PLCL1: variants seen among roughly 807,000 people sequenced by gnomAD.
PLCL1 encodes the protein phospholipase C like 1 (inactive).
PLCL1 carries 41 observed loss-of-function variants against 84.4 expected under a neutral mutation model. The ratio of observed to expected loss-of-function variants is 0.49; its 90% CI spans 0.38 to 0.63. PLCL1 has a LOEUF of 0.63. PLCL1 is among the 30% of genes least tolerant of loss of function. PLCL1 has a pLI of 0.00. For synonymous variants in PLCL1, 490 were observed against 488.3 expected, an observed-to-expected ratio of 1.00 and a Z score of -0.05; for missense variants, 1,206 against 1,367.8, an observed-to-expected ratio of 0.88 and a Z score of 1.87.
In PLCL1 at chr2:197,860,498, T is replaced by A. The variant is rs543568551; in HGVS notation, c.240+55159T>A. On this transcript the variant is annotated intron_variant, in intron 1 of 5. Transcript: ENST00000428675. ...AACTAATTTATACTCCCTCCGGTAG[T>A]GTATAAGTGTTCCCTTTTCTCTGCA... 3.9e-5 allele frequency among the ~76,000 whole-genome samples: 6 copies of A among 152,312 alleles called. No individual in the cohort carries two copies. In the East Asian group the frequency reaches 1.2e-3, roughly 29 times the overall value.
intron 1 of PLCL1, among the ~76,000 whole-genome samples, chr2:198,005,603 A>G (rs1246571727): frequency 6.6e-6 from 1 of 152,244 alleles, no homozygotes; most frequent in Non-Finnish European, 1.5e-5. Context: ...GCAGACATTC[A>G]TTAAAGACTC....
chr2:197,912,461 T>C (rs1269464543), intron 1 of PLCL1, among the ~76,000 whole-genome samples: 9 of 152,038 alleles, frequency 5.9e-5, no homozygotes, highest in Non-Finnish European at 1.2e-4. Flanking sequence ...CCCAAAGGAA[T>C]ATAAATCTTG....
intron 1 of PLCL1, among the ~76,000 whole-genome samples, chr2:198,025,127 A>G (rs1691232714): frequency 6.6e-6 from 1 of 152,068 alleles, no homozygotes; most frequent in South Asian, 2.1e-4. Flanking sequence ...CTTGTACATG[A>G]TTCCAAAATC....
intron 1 of PLCL1, among the ~76,000 whole-genome samples, chr2:198,046,855 A>G (rs577297212): frequency 1.7e-3 from 257 of 152,230 alleles, no homozygotes; most frequent in Non-Finnish European, 3.1e-3. Context: ...ACAAAATCAA[A>G]ACAAAAAACC....
chr2:197,924,045 G>T (rs1382971603), intron 1 of PLCL1, among the ~76,000 whole-genome samples: 1 of 151,252 alleles, frequency 6.6e-6, no homozygotes, highest in African/African-American at 2.4e-5. Context: ...CACTCGGCAG[G>T]CTGAGGCAGG....
At chr2:198,039,218 G>A (rs1232001469) in intron 1 of PLCL1, among the ~76,000 whole-genome samples, 3 of 152,106 alleles carry the variant, frequency 2.0e-5, no homozygotes, top group African/African-American at 7.2e-5. Context: ...TGGCATGGTT[G>A]TTTTGGGACC....
chr2:197,889,094 T>G (rs1249568699), intron 1 of PLCL1, among the ~76,000 whole-genome samples: 2 of 152,196 alleles, frequency 1.3e-5, no homozygotes, highest in African/African-American at 4.8e-5. Context: ...CTTTAAAAAT[T>G]TTTGATCTGG....
intron 5 of PLCL1, among the ~76,000 whole-genome samples, chr2:198,122,160 T>C (rs1693883252): frequency 6.6e-6 from 1 of 152,078 alleles, no homozygotes; most frequent in Non-Finnish European, 1.5e-5. Flanking sequence ...GCTCAAGATG[T>C]GAACTGAATT....
At chr2:197,950,849 G>A (rs982452700) in intron 1 of PLCL1, among the ~76,000 whole-genome samples, 21 of 152,110 alleles carry the variant, frequency 1.4e-4, no homozygotes, top group Non-Finnish European at 2.4e-4. Flanking sequence ...CTATAATGAA[G>A]TTGTTTCCAG....
At chr2:198,031,605 C>T (rs1016136992) in intron 1 of PLCL1, among the ~76,000 whole-genome samples, 4 of 149,018 alleles carry the variant, frequency 2.7e-5, no homozygotes, top group African/African-American at 7.4e-5. Flanking sequence ...ATTCTCTCAT[C>T]TTAGCTTCCC....
At chr2:197,866,912 C>G (rs776842837) in intron 1 of PLCL1, among the ~76,000 whole-genome samples, 1 of 152,118 alleles carries the variant, frequency 6.6e-6, no homozygotes, top group African/African-American at 2.4e-5. Context: ...TGGCGATCAT[C>G]GTTTGGGAAT....
At chr2:197,952,100 G>A (rs1321794804) in intron 1 of PLCL1, among the ~76,000 whole-genome samples, 1 of 152,046 alleles carries the variant, frequency 6.6e-6, no homozygotes, top group Non-Finnish European at 1.5e-5. Flanking sequence ...GAACAGCCTG[G>A]GTGTTTACAC....
At chr2:198,104,456 G>C (rs1016879683) in intron 5 of PLCL1, among the ~76,000 whole-genome samples, 1 of 151,954 alleles carries the variant, frequency 6.6e-6, no homozygotes, top group Non-Finnish European at 1.5e-5. Context: ...GGACATGTAG[G>C]TTGATTCCAT....
chr2:197,841,203 T>A (rs561403007), intron 1 of PLCL1, among the ~76,000 whole-genome samples: 302 of 152,296 alleles, frequency 2.0e-3, no homozygotes, highest in Non-Finnish European at 3.6e-3. Context: ...AGTTATTTTT[T>A]ATTTTTTTTC....
chr2:198,140,739 G>A (rs1179562737), intron 5 of PLCL1, among the ~76,000 whole-genome samples: 1 of 151,894 alleles, frequency 6.6e-6, no homozygotes, highest in Non-Finnish European at 1.5e-5. Flanking sequence ...GGACCCTTTG[G>A]CATTAAATTA....
At chr2:198,087,918 CAGTT>C (rs1317432229) in intron 2 of PLCL1, among the ~76,000 whole-genome samples, 1 of 152,144 alleles carries the variant, frequency 6.6e-6, no homozygotes, top group African/African-American at 2.4e-5. Context: ...ACCCACGGCA[CAGTT>C]AAATACTTGT....
At chr2:198,061,627 T>C (rs1312960733) in intron 1 of PLCL1, among the ~76,000 whole-genome samples, 1 of 152,028 alleles carries the variant, frequency 6.6e-6, no homozygotes, top group Non-Finnish European at 1.5e-5. Flanking sequence ...TTGAGACAAG[T>C]CTCGCTCTGT....
chr2:198,073,832 A>G (rs1290103377), intron 1 of PLCL1, among the ~76,000 whole-genome samples: 1 of 152,354 alleles, frequency 6.6e-6, no homozygotes, highest in East Asian at 1.9e-4. Flanking sequence ...AAATGGTAGA[A>G]TAGACTTCTC....
intron 5 of PLCL1, among the ~76,000 whole-genome samples, chr2:198,118,434 C>T (rs1693795819): frequency 6.6e-6 from 1 of 151,914 alleles, no homozygotes; most frequent in Admixed American, 6.6e-5. Context: ...TGTCCTTCCT[C>T]TTTAAATAAC....
Sources: gnomAD v4.1 joint callset for allele counts (sites outside exome capture counted in the v4.1 genomes callset) on GRCh38, gnomAD v4.1.1 for gene constraint, MANE v1.5 for transcripts, NCBI Gene and HGNC (gene_info 2026-07-23, HGNC 2026-07-21) for gene names.